GPR137C: variants seen among roughly 807,000 people sequenced by gnomAD.
The protein encoded by GPR137C is integral membrane protein GPR137C.
Under a neutral mutation model 43.4 loss-of-function variants are expected in GPR137C, and 27 were observed. That is an observed-to-expected ratio of 0.62 (90% CI 0.46 to 0.86). The LOEUF is 0.86. Ranked by LOEUF, GPR137C falls within the 40% of genes least tolerant of loss-of-function variation. The pLI, the probability that GPR137C is intolerant of heterozygous loss-of-function variation, is 0.00. For missense variants in GPR137C, 522 were observed against 534.6 expected, an observed-to-expected ratio of 0.98 and a Z score of 0.23; for synonymous variants, 285 against 226.9, an observed-to-expected ratio of 1.26 and a Z score of -2.30.
intron 3 of GPR137C, 144 bp downstream of exon 3, chr14:52,600,485 G>T: frequency 1.7e-6 from 1 of 591,466 alleles, no homozygotes; most frequent in Non-Finnish European, 2.9e-6. Flanking sequence ...ATATTAGTCA[G>T]GCTAGAGTGC....
chr14:52,637,579 CAG>C lies in GPR137C; in HGVS notation c.*2465_*2466del, dbSNP rs2139592256. The C allele has an allele frequency of 6.6e-6, 1 of 152,012 alleles. No homozygotes were observed. Among genetic ancestry groups the C allele is most frequent in the Non-Finnish European group, 1.5e-5 (1 of 67,988 alleles). 9.4% of individuals were successfully genotyped at this position (152,012 alleles called of 1,614,324 possible). On this transcript the variant is annotated 3_prime_UTR_variant, in exon 7 of 7. Transcript: ENST00000321662. ...CATAGCTGCCTTTTTTATTGTTTAA[CAG>C]TGTTTCTCAGCTATATAATCAGTTT... is the stretch of plus-strand genomic sequence containing the variant.
chr14:52,553,017 G>A lies in GPR137C; in HGVS notation c.-131G>A. 2.8e-6 allele frequency: 1 copy of A among 353,696 alleles called. No individual in the cohort carries two copies. The highest frequency in any genetic ancestry group is 4.3e-6 in the Non-Finnish European group (1 of 233,564). The allele number at this position is 353,696 out of a possible 1,614,324, so 21.9% of individuals were successfully genotyped here. On this transcript the variant is annotated 5_prime_UTR_variant, in exon 1 of 7. Transcript: ENST00000321662. ...TGCTTTGCGCTGGACTCCGGGTCCC[G>A]TCACGGCGCTTCCTGGGGTTAGAGG...
At chr14:52,561,569 A>C (rs1484438246) in intron 1 of GPR137C, among the ~76,000 whole-genome samples, 1 of 152,214 alleles carries the variant, frequency 6.6e-6, no homozygotes, top group Non-Finnish European at 1.5e-5. Flanking sequence ...ACTCCACTGA[A>C]ATTAACCCAG....
chr14:52,607,704 G>A (rs536181951), intron 3 of GPR137C, among the ~76,000 whole-genome samples: 6 of 152,044 alleles, frequency 3.9e-5, no homozygotes, highest in South Asian at 2.1e-4. Flanking sequence ...GCAAAACCCC[G>A]TCTCTAGTAA....
chr14:52,611,204 A>T (rs1005010445), intron 3 of GPR137C, among the ~76,000 whole-genome samples: 1 of 152,020 alleles, frequency 6.6e-6, no homozygotes, highest in South Asian at 2.1e-4. Flanking sequence ...TGCATTTATA[A>T]TTCATGTAGA....
At chr14:52,580,370 AT>A (rs373943022) in intron 1 of GPR137C, among the ~76,000 whole-genome samples, 7,112 of 150,478 alleles carry the variant, frequency 0.047, 403 homozygotes, top group East Asian at 0.16. Flanking sequence ...AGAAAAAAAA[AT>A]TTTTTTTTTG....
At chr14:52,579,869 A>G (rs1275126763) in intron 1 of GPR137C, among the ~76,000 whole-genome samples, 1 of 152,178 alleles carries the variant, frequency 6.6e-6, no homozygotes, top group African/African-American at 2.4e-5. Context: ...CCCTCTACCT[A>G]ACAAATACCA....
intron 3 of GPR137C, chr14:52,613,433 A>G (rs749214665): frequency 3.9e-5 from 6 of 152,758 alleles, no homozygotes; most frequent in African/African-American, 1.4e-4. Context: ...TGTGCTATCA[A>G]CTAGGTCTTA....
At chr14:52,570,211 A>G (rs1312596584) in intron 1 of GPR137C, among the ~76,000 whole-genome samples, 3 of 152,198 alleles carry the variant, frequency 2.0e-5, no homozygotes, top group African/African-American at 7.2e-5. Context: ...TGAAGAAAAG[A>G]ATTTTCAACC....
chr14:52,561,569 A>T (rs1484438246), intron 1 of GPR137C, among the ~76,000 whole-genome samples: 4 of 152,214 alleles, frequency 2.6e-5, no homozygotes, highest in Non-Finnish European at 4.4e-5. Flanking sequence ...ACTCCACTGA[A>T]ATTAACCCAG....
intron 1 of GPR137C, among the ~76,000 whole-genome samples, chr14:52,573,977 A>T (rs2038511870): frequency 6.6e-6 from 1 of 152,248 alleles, no homozygotes; most frequent in South Asian, 2.1e-4. Context: ...AAAGCTCATC[A>T]TCACTGGTCA....
chr14:52,572,593 C>A (rs187620218), intron 1 of GPR137C, among the ~76,000 whole-genome samples: 386 of 152,154 alleles, frequency 2.5e-3, no homozygotes, highest in African/African-American at 9.1e-3. Flanking sequence ...TGTTGGAATA[C>A]TTCTCAAAAC....
chr14:52,607,311 T>C (rs1040689471), intron 3 of GPR137C, among the ~76,000 whole-genome samples: 1 of 152,230 alleles, frequency 6.6e-6, no homozygotes, highest in Non-Finnish European at 1.5e-5. Context: ...GCTAGTTGGC[T>C]TAGAGTATAA....
chr14:52,587,720 A>G (rs1229431571), intron 1 of GPR137C, among the ~76,000 whole-genome samples: 1 of 152,238 alleles, frequency 6.6e-6, no homozygotes, highest in Non-Finnish European at 1.5e-5. Flanking sequence ...CAGTGAGCCA[A>G]GATCGTGCCA....
chr14:52,555,423 C>T (rs977222347), intron 1 of GPR137C, among the ~76,000 whole-genome samples: 1 of 152,054 alleles, frequency 6.6e-6, no homozygotes, highest in Non-Finnish European at 1.5e-5. Context: ...TTTTCCGTGT[C>T]CCAGAAGTTT....
chr14:52,620,090 G>A (rs1391406424), intron 3 of GPR137C, among the ~76,000 whole-genome samples: 1 of 152,100 alleles, frequency 6.6e-6, no homozygotes, highest in African/African-American at 2.4e-5. Flanking sequence ...ATGACACTGA[G>A]TGAGTTTCCT....
At chr14:52,604,744 A>G (rs940063017) in intron 3 of GPR137C, among the ~76,000 whole-genome samples, 2 of 152,146 alleles carry the variant, frequency 1.3e-5, no homozygotes, top group Admixed American at 6.6e-5. Context: ...CATCGCGCAC[A>G]GCCAAAATGG....
intron 1 of GPR137C, among the ~76,000 whole-genome samples, chr14:52,561,185 AACCAC>A (rs2038277972): frequency 6.6e-6 from 1 of 152,234 alleles, no homozygotes; most frequent in African/African-American, 2.4e-5. Flanking sequence ...TTAAAAGACT[AACCAC>A]ACCAACTATT....
intron 6 of GPR137C, among the ~76,000 whole-genome samples, 190 bp downstream of exon 6, chr14:52,634,136 A>G (rs2039325622): frequency 6.6e-6 from 1 of 152,142 alleles, no homozygotes; most frequent in Non-Finnish European, 1.5e-5. Flanking sequence ...AGGAACTACC[A>G]TTTGACTCAA....
Sources: gnomAD v4.1 joint callset for allele counts (sites outside exome capture counted in the v4.1 genomes callset) on GRCh38, gnomAD v4.1.1 for gene constraint, MANE v1.5 for transcripts, NCBI Gene and HGNC (gene_info 2026-07-23, HGNC 2026-07-21) for gene names.